PTPRD: variants seen among roughly 807,000 people sequenced by gnomAD.
PTPRD encodes the protein receptor-type tyrosine-protein phosphatase delta.
In PTPRD, 34 loss-of-function variants were observed where a neutral mutation model predicts 214.5. The ratio of observed to expected loss-of-function variants is 0.16; its 90% CI spans 0.12 to 0.21. PTPRD has a LOEUF of 0.21. Ranked by LOEUF, PTPRD falls within the 10% of genes least tolerant of loss-of-function variation. The pLI, the probability that PTPRD is intolerant of heterozygous loss-of-function variation, is 1.00. For missense variants in PTPRD, 2,545 were observed against 2,398.7 expected (o/e 1.06, Z -1.27); for synonymous variants, 1,128 against 845.7 (o/e 1.33, Z -5.79).
intron 3 of PTPRD, among the ~76,000 whole-genome samples, chr9:10,226,446 G>A (rs2099589223): frequency 1.3e-5 from 2 of 152,034 alleles, no homozygotes; most frequent in African/African-American, 4.8e-5. Flanking sequence ...CTGAGTATGA[G>A]GGAGGCAGCT....
rs2097820380 is a variant in PTPRD at position 8,518,152 on chromosome 9, T to G, written c.1239A>C (p.Ser413=). The change falls in exon 21 of 46, where the codon TCA becomes TCC. Residue 413 remains serine (S), a synonymous_variant. Coordinates refer to ENST00000381196, the MANE Select transcript of PTPRD (RefSeq NM_002839.4). The part of the protein sequence containing the change: ...PPSEPVLTQT[S]EQAPSSAPRD... ...TCGGGGCACTGGATGGTGCTTGCTC[T>G]GAGGTTTGTGTTAGCACAGGTTCGC... 4 of 1,614,188 alleles carry G rather than the reference T, an allele frequency of 2.5e-6. No homozygotes were observed. The highest frequency in any genetic ancestry group is 2.5e-6 in the Non-Finnish European group (3 of 1,180,028).
intron 9 of PTPRD, among the ~76,000 whole-genome samples, chr9:9,393,772 C>T (rs773534427): frequency 6.6e-5 from 10 of 152,074 alleles, no homozygotes; most frequent in African/African-American, 1.9e-4. Context: ...CACAAGGCTG[C>T]GGAATGGATT....
chr9:9,293,499 A>G (rs1415834796), intron 9 of PTPRD, among the ~76,000 whole-genome samples: 1 of 151,294 alleles, frequency 6.6e-6, no homozygotes, highest in East Asian at 2.0e-4. Context: ...ACCCATTTCT[A>G]CAAGGAGATT....
At chr9:8,758,621 T>A (rs371464079) in intron 11 of PTPRD, among the ~76,000 whole-genome samples, 2 of 152,200 alleles carry the variant, frequency 1.3e-5, no homozygotes, top group African/African-American at 4.8e-5. Flanking sequence ...CTTTACAGTT[T>A]ACAAAATGTT....
chr9:9,889,973 G>T (rs1221029872), intron 5 of PTPRD, among the ~76,000 whole-genome samples: 1 of 151,990 alleles, frequency 6.6e-6, no homozygotes, highest in Non-Finnish European at 1.5e-5. Flanking sequence ...CTAGCAGAGG[G>T]CAGTTCAGCA....
At chr9:8,463,308 CAAAAAAAAAA>C (rs71308864) in intron 32 of PTPRD, among the ~76,000 whole-genome samples, 6 of 28,850 alleles carry the variant, frequency 2.1e-4, no homozygotes, top group Non-Finnish European at 4.8e-4. Flanking sequence ...CAGAGGCAGC[CAAAAAAAAAA>C]AAAAAAAAAA....
In PTPRD at chr9:9,246,643, G is replaced by A. The variant is rs561499858; in HGVS notation, c.-202-63280C>T. ...CATAGAAATGCCTCTTATTAAGTAT[G>A]TAACTGCTCACACCATATAGCAGCC... On this transcript the variant is annotated intron_variant, in intron 9 of 45. Transcript: ENST00000381196. Among the ~76,000 whole-genome samples the A allele has an allele frequency of 2.0e-5, 3 of 152,068 alleles. No individual in the cohort carries two copies. The South Asian group carries it at 6.2e-4, about 32-fold the overall frequency.
chr9:10,409,200 A>G (rs1300613784), intron 2 of PTPRD, among the ~76,000 whole-genome samples: 3 of 151,850 alleles, frequency 2.0e-5, no homozygotes, highest in Admixed American at 6.6e-5. Context: ...AACTTCTGTT[A>G]TGCATATAGA....
chr9:9,197,593 T>G lies in PTPRD; in HGVS notation c.-202-14230A>C, dbSNP rs573303338. ...ACCCAGATGATTTCTGTATTTTTAGTAGAGATGGAGTTTCACCATGTTGGC... is the reference window on the plus strand; with the variant it reads ...ACCCAGATGATTTCTGTATTTTTAGGAGAGATGGAGTTTCACCATGTTGGC... On this transcript the variant is annotated intron_variant, in intron 9 of 45. Transcript: ENST00000381196. Among the ~76,000 whole-genome samples, 4 of 152,244 alleles carry G rather than the reference T, an allele frequency of 2.6e-5. No homozygotes were observed. In the South Asian group the frequency reaches 6.2e-4, roughly 24 times the overall value.
chr9:10,300,203 T>A (rs1396630858), intron 3 of PTPRD, among the ~76,000 whole-genome samples: 1 of 152,078 alleles, frequency 6.6e-6, no homozygotes, highest in Non-Finnish European at 1.5e-5. Flanking sequence ...TAGTTAAAAT[T>A]CTAATGGGAA....
At chr9:9,451,880 C>A (rs1165413923) in intron 8 of PTPRD, among the ~76,000 whole-genome samples, 2 of 150,920 alleles carry the variant, frequency 1.3e-5, no homozygotes, top group East Asian at 3.9e-4. Context: ...AGAAAAAATT[C>A]ATTACAGAGA....
At chr9:10,393,733 T>C (rs991767422) in intron 2 of PTPRD, among the ~76,000 whole-genome samples, 25 of 147,408 alleles carry the variant, frequency 1.7e-4, no homozygotes, top group African/African-American at 6.1e-4. Context: ...AATATATAAA[T>C]ACATATAATC....
intron 36 of PTPRD, among the ~76,000 whole-genome samples, chr9:8,394,114 G>A (rs1339853160): frequency 6.6e-6 from 1 of 151,706 alleles, no homozygotes; most frequent in Non-Finnish European, 1.5e-5. Flanking sequence ...GTTTTCAGTG[G>A]AAAAATGAGC....
intron 2 of PTPRD, among the ~76,000 whole-genome samples, chr9:10,562,042 A>C (rs533602765): frequency 6.4e-4 from 97 of 152,208 alleles, no homozygotes; most frequent in Non-Finnish European, 1.1e-3. Flanking sequence ...TAATACTTGC[A>C]AAACATAAAC....
chr9:9,105,151 G>T (rs1446926322), intron 10 of PTPRD, among the ~76,000 whole-genome samples: 1 of 152,094 alleles, frequency 6.6e-6, no homozygotes, highest in Non-Finnish European at 1.5e-5. Flanking sequence ...TAACTTCTTT[G>T]AATTCTCAAA....
At chr9:10,593,048 C>T (rs1365063414) in intron 2 of PTPRD, among the ~76,000 whole-genome samples, 6 of 151,992 alleles carry the variant, frequency 3.9e-5, no homozygotes, top group Admixed American at 2.0e-4. Context: ...AGGTCTGCGG[C>T]ATCATTCTTG....
At chr9:8,453,408 C>G (rs1439092910) in intron 33 of PTPRD, among the ~76,000 whole-genome samples, 1 of 152,188 alleles carries the variant, frequency 6.6e-6, no homozygotes, top group Non-Finnish European at 1.5e-5. Flanking sequence ...TTGTGATCCA[C>G]CCGCCTCAGC....
intron 9 of PTPRD, among the ~76,000 whole-genome samples, chr9:9,274,800 T>C (rs1452244851): frequency 2.7e-5 from 4 of 150,312 alleles, no homozygotes; most frequent in African/African-American, 9.7e-5. Flanking sequence ...ATTTTTATTA[T>C]TAAACCAGCA....
At chr9:10,519,023 G>T (rs1048433582) in intron 2 of PTPRD, among the ~76,000 whole-genome samples, 3 of 151,482 alleles carry the variant, frequency 2.0e-5, no homozygotes, top group African/African-American at 7.3e-5. Flanking sequence ...CCTATTTTCA[G>T]CTAACTCTTA....
Sources: gnomAD v4.1 joint callset for allele counts (sites outside exome capture counted in the v4.1 genomes callset) on GRCh38, gnomAD v4.1.1 for gene constraint, MANE v1.5 for transcripts, NCBI Gene and HGNC (gene_info 2026-07-23, HGNC 2026-07-21) for gene names.